The following ZNF329 variants were observed in gnomAD, a reference collection of about 807,000 sequenced individuals.
The protein encoded by ZNF329 is zinc finger protein 329.
In ZNF329, 15 loss-of-function variants were observed where a neutral mutation model predicts 26.6. The observed-to-expected ratio is 0.56, with a 90% CI of 0.38 to 0.87. The LOEUF (loss-of-function observed/expected upper bound fraction) is 0.87, where lower values mean the gene tolerates loss of function less well. Ranked by LOEUF, ZNF329 falls within the 40% of genes least tolerant of loss-of-function variation. The pLI is 0.00. For missense variants in ZNF329, 651 were observed against 651.9 expected (o/e 1.00, Z 0.02); for synonymous variants, 239 against 233.5 (o/e 1.02, Z -0.21).
At chr19:58,150,052 G>A (rs1213049137) in intron 1 of ZNF329, among the ~76,000 whole-genome samples, 1 of 152,166 alleles carries the variant, frequency 6.6e-6, no homozygotes, top group Non-Finnish European at 1.5e-5. Flanking sequence ...CACTGCACAA[G>A]TCTTTCAGCT....
chr19:58,139,670 G>A (rs1437878515), intron 3 of ZNF329, among the ~76,000 whole-genome samples: 1 of 152,146 alleles, frequency 6.6e-6, no homozygotes, highest in Non-Finnish European at 1.5e-5. Flanking sequence ...GTGGGGATAA[G>A]GCATCAACAT....
intron 1 of ZNF329, among the ~76,000 whole-genome samples, chr19:58,146,614 G>T (rs866472899): frequency 0.036 from 5,460 of 151,430 alleles, 293 homozygotes; most frequent in African/African-American, 0.12. Context: ...GAAGCTGGAC[G>T]GTACTGCTGC....
intron 1 of ZNF329, among the ~76,000 whole-genome samples, chr19:58,146,795 C>T (rs569698484): frequency 4.6e-5 from 7 of 152,074 alleles, no homozygotes; most frequent in South Asian, 2.1e-4. Flanking sequence ...ACGAGTGATC[C>T]GCCAGCCTCG....
chr19:58,138,566 C>T (rs990947765), intron 3 of ZNF329, among the ~76,000 whole-genome samples: 6 of 152,292 alleles, frequency 3.9e-5, no homozygotes, highest in South Asian at 2.1e-4. Flanking sequence ...GCTGCCCTGC[C>T]GCATGACATG....
At chr19:58,133,604 C>T (rs2074998340) in intron 3 of ZNF329, among the ~76,000 whole-genome samples, 1 of 151,394 alleles carries the variant, frequency 6.6e-6, no homozygotes, top group Admixed American at 6.6e-5. Context: ...AAAGCAAAAG[C>T]AGAGTTCATT....
intron 3 of ZNF329, among the ~76,000 whole-genome samples, chr19:58,130,934 A>G (rs181841844): frequency 7.6e-4 from 116 of 152,166 alleles, no homozygotes; most frequent in Admixed American, 1.6e-3. Context: ...CTCAATCTCA[A>G]AAACTTCAAG....
At chr19:58,154,006 ATTT>A (rs11351022), upstream of ZNF329, among the ~76,000 whole-genome samples, 1 of 144,968 alleles carries the variant, frequency 6.9e-6, no homozygotes. Flanking sequence ...AACATATGTG[ATTT>A]TTTTTTTTTT....
intron 1 of ZNF329, among the ~76,000 whole-genome samples, chr19:58,143,807 G>A (rs566728132): frequency 2.0e-5 from 3 of 152,160 alleles, no homozygotes; most frequent in South Asian, 4.2e-4. Context: ...TAGGCTGGGC[G>A]CAGTGGCTCA....
intron 3 of ZNF329, 49 bp from the exon 4 acceptor site, chr19:58,129,560 T>A: frequency 6.8e-7 from 1 of 1,464,580 alleles, no homozygotes; most frequent in Non-Finnish European, 9.2e-7. Context: ...GCTTTATCTG[T>A]AAGAGAAACA....
rs1274962084 is a variant in ZNF329, at chr19:58,129,325, T to C, written c.179A>G (p.Gln60Arg). 3 of 1,614,246 alleles carry C rather than the reference T, an allele frequency of 1.9e-6. No homozygotes were observed. Among genetic ancestry groups the C allele is most frequent in the Non-Finnish European group, 2.5e-6 (3 of 1,180,036 alleles). Residue 60 changes from glutamine to arginine, a missense_variant, in exon 4 of 4, where the codon CAG becomes CGG. Gln to Arg is a conservative substitution (Grantham distance 43, BLOSUM62 1). Coordinates refer to ENST00000598312, the MANE Select transcript of ZNF329 (RefSeq NM_024620.4). ...SALTLEKPGT[Q>R]EAICEYPGFG... ...ACCAGGATATTCACAAATTGCTTCC[T>C]GAGTCCCTGGTTTCTCCAGAGTTAA...
chr19:58,149,343 T>G (rs868138617), intron 1 of ZNF329, among the ~76,000 whole-genome samples: 1 of 152,170 alleles, frequency 6.6e-6, no homozygotes, highest in South Asian at 2.1e-4. Context: ...ATAAGCTTGC[T>G]TTCACTTTAC....
upstream of ZNF329, among the ~76,000 whole-genome samples, chr19:58,153,435 A>G (rs1049298207): frequency 3.3e-5 from 5 of 152,170 alleles, no homozygotes; most frequent in Non-Finnish European, 7.3e-5. Flanking sequence ...TGTAGGTCAC[A>G]TGTAGGCAAT....
intron 3 of ZNF329, among the ~76,000 whole-genome samples, chr19:58,133,873 C>T (rs1227405293): frequency 2.0e-5 from 3 of 151,798 alleles, no homozygotes; most frequent in Non-Finnish European, 4.4e-5. Context: ...TAAATCAAAT[C>T]CAATGCTGAC....
rs2074862498 is a variant in ZNF329 at position 58,128,760 on chromosome 19, C to A, written c.744G>T (p.Val248=). 1 of 1,603,226 alleles carries A rather than the reference C, an allele frequency of 6.2e-7. No individual in the cohort carries two copies. Among genetic ancestry groups the A allele is most frequent in the Non-Finnish European group, 8.5e-7 (1 of 1,175,196 alleles). Residue 248 remains valine (V), a synonymous_variant, in exon 4 of 4, where the codon GTG becomes GTT. Transcript: ENST00000598312. The stretch of plus-strand genomic sequence containing the variant: ...TCTCTCCTGTGTGGATTCTTTGATG[C>A]ACAATCAGGTTGTAGTTCTTGGAGA... The part of the protein sequence containing the change: ...KSFSKNYNLI[V]HQRIHTGEKP...
At chr19:58,153,344 A>T (rs1000218401), upstream of ZNF329, among the ~76,000 whole-genome samples, 2 of 152,172 alleles carry the variant, frequency 1.3e-5, no homozygotes, top group African/African-American at 2.4e-5. Context: ...TCCTGACCTC[A>T]GGTGATCCAC....
upstream of ZNF329, among the ~76,000 whole-genome samples, chr19:58,151,290 G>T (rs2075448083): frequency 6.6e-6 from 1 of 152,094 alleles, no homozygotes; most frequent in South Asian, 2.1e-4. Context: ...TTTAGCATGG[G>T]GAAGCCTAAA....
chr19:58,141,946 A>C (rs1322100691), intron 3 of ZNF329, among the ~76,000 whole-genome samples: 1 of 151,720 alleles, frequency 6.6e-6, no homozygotes, highest in Non-Finnish European at 1.5e-5. Flanking sequence ...CTGTAATCCC[A>C]GCTACTAGGG....
intron 1 of ZNF329, among the ~76,000 whole-genome samples, chr19:58,143,894 A>G (rs1417751148): frequency 6.6e-6 from 1 of 151,982 alleles, no homozygotes; most frequent in Non-Finnish European, 1.5e-5. Flanking sequence ...CAGCCTGGCC[A>G]ACATAGTGAA....
intron 3 of ZNF329, among the ~76,000 whole-genome samples, chr19:58,134,851 G>A (rs904252672): frequency 5.3e-5 from 8 of 152,108 alleles, no homozygotes; most frequent in African/African-American, 1.9e-4. Flanking sequence ...CAGAAGAATT[G>A]CTTGAATCTG....
Sources: gnomAD v4.1 joint callset for allele counts (sites outside exome capture counted in the v4.1 genomes callset) on GRCh38, gnomAD v4.1.1 for gene constraint, MANE v1.5 for transcripts, NCBI Gene and HGNC (gene_info 2026-07-23, HGNC 2026-07-21) for gene names.